NDRG3: variants seen among roughly 807,000 people sequenced by gnomAD.
The protein encoded by NDRG3 is NDRG family member 3, also known as protein NDRG3.
NDRG3 carries 23 observed loss-of-function variants against 57.2 expected under a neutral mutation model. The observed-to-expected ratio is 0.40, with a 90% CI of 0.29 to 0.57. NDRG3 has a LOEUF of 0.57. NDRG3 is among the 20% of genes least tolerant of loss of function. The probability of loss-of-function intolerance (pLI) is 0.42; values close to 1 mark genes in which losing one functional copy is unlikely to be tolerated. For missense variants in NDRG3, 384 were observed against 457.3 expected, an observed-to-expected ratio of 0.84 and a Z score of 1.46; for synonymous variants, 132 against 162.6, an observed-to-expected ratio of 0.81 and a Z score of 1.43.
At chr20:36,707,542 A>C (rs1983617252) in intron 2 of NDRG3, among the ~76,000 whole-genome samples, 1 of 152,186 alleles carries the variant, frequency 6.6e-6, no homozygotes, top group Non-Finnish European at 1.5e-5. Context: ...GAGGGAAAGA[A>C]AGACAAAACA....
intron 3 of NDRG3, among the ~76,000 whole-genome samples, chr20:36,697,956 CTTTTTTCTTTTTTTT>C (rs1336250558): frequency 1.4e-5 from 2 of 139,024 alleles, no homozygotes; most frequent in Non-Finnish European, 3.1e-5. Flanking sequence ...GAGTTTTTTT[CTTTTTTCTTTTTTTT>C]TTTTTTTTTT....
intron 2 of NDRG3, 108 bp from the exon 3 acceptor site, chr20:36,707,115 C>A: frequency 1.0e-6 from 1 of 999,080 alleles, no homozygotes; most frequent in South Asian, 1.4e-5. Context: ...CTCTTGGTTG[C>A]CATAAAACTG....
intron 2 of NDRG3, among the ~76,000 whole-genome samples, chr20:36,715,509 GTT>G (rs376599701): frequency 7.1e-6 from 1 of 140,846 alleles, no homozygotes. Context: ...CTCCCCCTAG[GTT>G]TTTTTTTTTT....
At chr20:36,699,908 G>A (rs1404075812) in intron 3 of NDRG3, among the ~76,000 whole-genome samples, 1 of 151,938 alleles carries the variant, frequency 6.6e-6, no homozygotes, top group Non-Finnish European at 1.5e-5. Flanking sequence ...GGATCACGAG[G>A]TCAGGAATTC....
At chr20:36,663,723 T>C (rs1979391327) in intron 12 of NDRG3, among the ~76,000 whole-genome samples, 1 of 152,230 alleles carries the variant, frequency 6.6e-6, no homozygotes, top group African/African-American at 2.4e-5. Context: ...TTTGGACACA[T>C]TAATTCCACT....
chr20:36,670,657 C>T (rs1980069749), intron 9 of NDRG3, among the ~76,000 whole-genome samples: 1 of 152,164 alleles, frequency 6.6e-6, no homozygotes, highest in African/African-American at 2.4e-5. Context: ...TCGATAAATG[C>T]TAGTTTTCTT....
At chr20:36,663,274 C>T (rs1236657817) in intron 12 of NDRG3, among the ~76,000 whole-genome samples, 1 of 152,156 alleles carries the variant, frequency 6.6e-6, no homozygotes, top group Non-Finnish European at 1.5e-5. Context: ...CGAATGTTAT[C>T]CTTTCACATC....
intron 2 of NDRG3, among the ~76,000 whole-genome samples, chr20:36,718,260 G>A (rs1192974420): frequency 3.9e-5 from 6 of 152,192 alleles, no homozygotes; most frequent in Non-Finnish European, 8.8e-5. Context: ...TTGTTTGGAG[G>A]TGCCATGATC....
chr20:36,677,715 G>C (rs928151464), intron 8 of NDRG3, among the ~76,000 whole-genome samples: 1 of 152,162 alleles, frequency 6.6e-6, no homozygotes, highest in African/African-American at 2.4e-5. Context: ...CTGAACACTC[G>C]ACTGGACGAC....
At chr20:36,709,986 CT>C (rs1182003201) in intron 2 of NDRG3, among the ~76,000 whole-genome samples, 3 of 151,980 alleles carry the variant, frequency 2.0e-5, no homozygotes, top group Non-Finnish European at 2.9e-5. Flanking sequence ...ACAAAATAGT[CT>C]TTACAGTTTG....
intron 1 of NDRG3, among the ~76,000 whole-genome samples, chr20:36,739,738 G>A (rs547490258): frequency 5.3e-5 from 8 of 151,506 alleles, no homozygotes; most frequent in Admixed American, 1.3e-4. Context: ...GTGAAACCCC[G>A]TCTCTACTAA....
chr20:36,669,851 G>A (rs574835944), intron 9 of NDRG3, among the ~76,000 whole-genome samples: 1 of 152,132 alleles, frequency 6.6e-6, no homozygotes, highest in South Asian at 2.1e-4. Flanking sequence ...GCTCACCTCA[G>A]CCTCCCAAAG....
Position 36,738,890 on chromosome 20 carries a change from G to A in NDRG3, c.-49+7155C>T, listed in dbSNP as rs181289739. Among the ~76,000 whole-genome samples, 928 of 149,380 alleles carry A rather than the reference G, an allele frequency of 6.2e-3. 3 individuals carry two copies. The highest frequency in any genetic ancestry group is 0.014 in the South Asian group (64 of 4,708). On this transcript the variant is annotated intron_variant, in intron 1 of 15. Coordinates refer to ENST00000349004, the MANE Select transcript of NDRG3 (RefSeq NM_032013.4). ...TGTAATCCCAGCACTTTGGGAGGCC[G>A]AGGCGGGTGGATCACCTGAGGTCAG...
At chr20:36,733,553 T>TTGTATA (rs1985451508) in intron 1 of NDRG3, among the ~76,000 whole-genome samples, 1 of 151,854 alleles carries the variant, frequency 6.6e-6, no homozygotes, top group Admixed American at 6.6e-5. Context: ...TGAAACCCCG[T>TTGTATA]CTCTACTAAA....
intron 2 of NDRG3, among the ~76,000 whole-genome samples, chr20:36,719,044 T>TCACATACA (rs1354603248): frequency 3.3e-5 from 5 of 152,088 alleles, no homozygotes; most frequent in Non-Finnish European, 5.9e-5. Flanking sequence ...GCACAGCCCT[T>TCACATACA]CACATACACA....
At chr20:36,680,379 C>T (rs926966848) in intron 8 of NDRG3, among the ~76,000 whole-genome samples, 13 of 150,530 alleles carry the variant, frequency 8.6e-5, no homozygotes, top group Non-Finnish European at 8.9e-5. Flanking sequence ...CCCAGCCACT[C>T]GGGAGGCTGA....
chr20:36,701,767 C>T (rs1215940920), intron 3 of NDRG3, among the ~76,000 whole-genome samples: 4 of 150,690 alleles, frequency 2.7e-5, no homozygotes, highest in Non-Finnish European at 5.9e-5. Flanking sequence ...AGGCTGGTTT[C>T]GAACTCCTGA....
intron 8 of NDRG3, among the ~76,000 whole-genome samples, chr20:36,675,084 A>C (rs1314913739): frequency 8.1e-6 from 1 of 123,852 alleles, no homozygotes; most frequent in Non-Finnish European, 1.7e-5. Flanking sequence ...TTTTTTTGAG[A>C]CAGTCTCGTC....
chr20:36,721,648 C>A, intron 2 of NDRG3, 31 bp downstream of exon 2: 1 of 1,352,114 alleles, frequency 7.4e-7, no homozygotes. Context: ...AAGGCTTGTC[C>A]ATATTTTAGT....
Sources: allele counts gnomAD v4.1 joint callset (sites outside exome capture counted in the v4.1 genomes callset), GRCh38; gene constraint gnomAD v4.1.1; transcripts MANE v1.5; gene names NCBI Gene and HGNC (gene_info 2026-07-23, HGNC 2026-07-21).